Variants in LIFR observed in about 807,000 individuals in gnomAD.
The protein encoded by LIFR is leukemia inhibitory factor receptor.
A neutral mutation model predicts 122.2 loss-of-function variants in LIFR; 84 were observed. The observed-to-expected ratio is 0.69, with a 90% confidence interval of 0.58 to 0.82. The LOEUF is 0.82. Among genes scored for constraint, LIFR ranks in the 40% least tolerant of loss-of-function variants. LIFR has a pLI of 0.00. For missense variants in LIFR, 1,294 were observed against 1,311.6 expected, an observed-to-expected ratio of 0.99 and a Z score of 0.21; for synonymous variants, 422 against 434.7, an observed-to-expected ratio of 0.97 and a Z score of 0.36.
Position 38,481,753 on chromosome 5 carries a change from T to A in LIFR, c.3136A>T (p.Arg1046Ter). 6.2e-7 allele frequency: 1 copy of A among 1,614,154 alleles called. No individual in the cohort carries two copies. Among genetic ancestry groups the A allele is most frequent in the East Asian group, 2.2e-5 (1 of 44,888 alleles). Residue 1046 changes from arginine to a stop codon, truncating the protein, a stop_gained, in exon 20 of 20, where the codon AGA becomes TGA. Transcript: ENST00000453190. LOFTEE classifies it high-confidence loss of function. ...ATCTCACTGTTGCTGTCTATGGATC[T>A]AGGAGAGTCTGGAGACACTAAATTC... is the stretch of plus-strand genomic sequence containing the variant. Reference protein sequence around the residue: ...TWNLVSPDSPRSIDSNSEIVS... With the variant: ...TWNLVSPDSP
rs967195831 is a variant in LIFR at position 38,601,241 on chromosome 5, C to T, written n.305+4964G>A. 3.3e-5 allele frequency among the ~76,000 whole-genome samples: 5 copies of T among 152,194 alleles called. No individual in the cohort carries two copies. The South Asian group carries it at 1.0e-3, about 32-fold the overall frequency. ...ACGTGAGGACACAGGGAGAATACTG[C>T]TGTCTATGAACCAGAAAATAAGCCC... On this transcript the variant is annotated intron_variant and non_coding_transcript_variant, in intron 2 of 3. Coordinates refer to the LIFR transcript ENST00000507786.
At chr5:38,598,334 C>T (rs933374100), upstream of LIFR, among the ~76,000 whole-genome samples, 1 of 146,720 alleles carries the variant, frequency 6.8e-6, no homozygotes, top group Non-Finnish European at 1.5e-5. Flanking sequence ...GCAACCTCCC[C>T]CTCCCGAGTT....
intron 1 of LIFR, among the ~76,000 whole-genome samples, chr5:38,568,854 A>C (rs1013375131): frequency 2.0e-5 from 3 of 152,230 alleles, no homozygotes; most frequent in African/African-American, 7.2e-5. Flanking sequence ...GTAGTTTGTC[A>C]AAGAGAAGGA....
chr5:38,501,962 A>G (rs1383330301), intron 11 of LIFR, among the ~76,000 whole-genome samples: 1 of 149,822 alleles, frequency 6.7e-6, no homozygotes, highest in Non-Finnish European at 1.5e-5. Flanking sequence ...AAACTAACAA[A>G]TTCTCTTTTT....
chr5:38,502,491 T>A (rs1745232322), intron 11 of LIFR, 146 bp downstream of exon 11: 10 of 646,432 alleles, frequency 1.5e-5, no homozygotes, highest in Non-Finnish European at 2.5e-5. Flanking sequence ...ACTCCCAACC[T>A]CAGGTAATCT....
chr5:38,495,962 C>T (rs940286996), intron 13 of LIFR, among the ~76,000 whole-genome samples: 8 of 151,084 alleles, frequency 5.3e-5, no homozygotes, highest in Non-Finnish European at 1.2e-4. Context: ...AAAAAAGGTG[C>T]TAATTAAAAT....
intron 5 of LIFR, among the ~76,000 whole-genome samples, chr5:38,515,239 G>A (rs928201230): frequency 1.3e-5 from 2 of 152,182 alleles, no homozygotes; most frequent in African/African-American, 4.8e-5. Flanking sequence ...GGCCACAAGC[G>A]GTCTCGGCTA....
At chr5:38,580,947 A>G (rs1749561435) in intron 1 of LIFR, among the ~76,000 whole-genome samples, 1 of 152,164 alleles carries the variant, frequency 6.6e-6, no homozygotes, top group Admixed American at 6.5e-5. Flanking sequence ...TCTGGCACCC[A>G]GACTGCTTGG....
intron 7 of LIFR, among the ~76,000 whole-genome samples, chr5:38,507,786 T>TA (rs200252238): frequency 3.0e-4 from 44 of 148,688 alleles, no homozygotes; most frequent in African/African-American, 8.1e-4. Context: ...AAATCTGAAT[T>TA]AAAAAAAAAA....
chr5:38,537,197 C>T (rs1287703983), intron 1 of LIFR, among the ~76,000 whole-genome samples: 1 of 152,194 alleles, frequency 6.6e-6, no homozygotes, highest in East Asian at 1.9e-4. Context: ...ACACACAGTT[C>T]CAGTTCCATA....
At chr5:38,519,263 G>C (rs1477443319) in intron 5 of LIFR, among the ~76,000 whole-genome samples, 1 of 152,156 alleles carries the variant, frequency 6.6e-6, no homozygotes. Flanking sequence ...CTCACCCAGA[G>C]AAACTTTTAG....
At chr5:38,526,862 C>T (rs1186216246) in intron 4 of LIFR, among the ~76,000 whole-genome samples, 1 of 152,100 alleles carries the variant, frequency 6.6e-6, no homozygotes, top group Non-Finnish European at 1.5e-5. Context: ...GATAAGACTA[C>T]ACCCTAGAGC....
rs147202739 is a variant in LIFR, at chr5:38,476,470, G to A, written c.*5125C>T. On this transcript the variant is annotated 3_prime_UTR_variant, in exon 20 of 20. Transcript: ENST00000453190. ...CAACTTAAGTGAGCCATTCAATCAC[G>A]TGTGCAAAGTATTTTAGTCTTAAGG... 1.9e-3 allele frequency: 398 copies of A among 208,792 alleles called. 3 individuals carry two copies. Among genetic ancestry groups the A allele is most frequent in the African/African-American group, 8.2e-3 (358 of 43,902 alleles). 12.9% of individuals were successfully genotyped at this position (208,792 alleles called of 1,614,324 possible). A position where few individuals can be genotyped will look rare whatever the true frequency, so the allele number is the denominator to read the frequency against.
At chr5:38,544,816 A>C (rs1473620399) in intron 1 of LIFR, among the ~76,000 whole-genome samples, 3 of 152,198 alleles carry the variant, frequency 2.0e-5, no homozygotes, top group South Asian at 2.1e-4. Flanking sequence ...GCTCCTGTTC[A>C]GCACTCCTCT....
chr5:38,545,607 A>G (rs577578946), intron 1 of LIFR, among the ~76,000 whole-genome samples: 1 of 152,298 alleles, frequency 6.6e-6, no homozygotes, highest in South Asian at 2.1e-4. Context: ...TCACGCCTGT[A>G]ATCCCAGCAC....
At chr5:38,482,315 G>A in intron 19 of LIFR, 97 bp from the exon 20 acceptor site, 1 of 1,162,318 alleles carries the variant, frequency 8.6e-7, no homozygotes, top group Non-Finnish European at 1.2e-6. Context: ...CAATCTGCTT[G>A]TAAACAGGTG....
intron 5 of LIFR, among the ~76,000 whole-genome samples, chr5:38,519,370 G>GT: frequency 6.6e-6 from 1 of 152,172 alleles, no homozygotes; most frequent in East Asian, 1.9e-4. Context: ...TGGGATACAT[G>GT]TGAGTATTGG....
intron 5 of LIFR, among the ~76,000 whole-genome samples, 156 bp from the exon 6 acceptor site, chr5:38,512,120 G>A (rs1745833007): frequency 1.3e-5 from 2 of 152,162 alleles, no homozygotes; most frequent in Non-Finnish European, 2.9e-5. Context: ...TATAATAGCA[G>A]AGTAACAATA....
intron 5 of LIFR, among the ~76,000 whole-genome samples, chr5:38,515,887 C>A (rs1746051799): frequency 6.6e-6 from 1 of 152,028 alleles, no homozygotes. Context: ...ACAAATGAAA[C>A]ATGAATGCAA....
Sources: allele counts gnomAD v4.1 joint callset (sites outside exome capture counted in the v4.1 genomes callset), GRCh38; gene constraint gnomAD v4.1.1; transcripts MANE v1.5; gene names NCBI Gene and HGNC (gene_info 2026-07-23, HGNC 2026-07-21).